LMCD1: variants seen among roughly 807,000 people sequenced by gnomAD.
The protein encoded by LMCD1 is LIM and cysteine rich domains 1, also known as LIM and cysteine-rich domains protein 1.
LMCD1 carries 32 observed loss-of-function variants against 42.7 expected under a neutral mutation model. That is an observed-to-expected ratio of 0.75 (90% CI 0.57 to 1.01). The LOEUF is 1.01. LMCD1 is among the 50% of genes least tolerant of loss of function. The pLI, the probability that LMCD1 is intolerant of heterozygous loss-of-function variation, is 0.00. For synonymous variants in LMCD1, 178 were observed against 184.9 expected, an observed-to-expected ratio of 0.96 and a Z score of 0.30; for missense variants, 458 against 483.1, an observed-to-expected ratio of 0.95 and a Z score of 0.49.
rs1695185501 is a variant in LMCD1 at position 8,569,875 on chromosome 3, A to G, written c.*2277A>G. The G allele has an allele frequency of 6.6e-6, 1 of 152,306 alleles. No individual in the cohort carries two copies. Among genetic ancestry groups the G allele is most frequent in the Non-Finnish European group, 1.5e-5 (1 of 68,342 alleles). 9.4% of individuals were successfully genotyped at this position (152,306 alleles called of 1,614,324 possible). A position where few individuals can be genotyped will look rare whatever the true frequency, so the allele number is the denominator to read the frequency against. On this transcript the variant is annotated 3_prime_UTR_variant, in exon 6 of 6. Transcript: ENST00000157600. Reference sequence around the variant, plus strand: ...TCTGGCATGGTGGCACACCTGTAGTATCAGTTACTCTAGAGGATAACCTGA... The same window carrying G: ...TCTGGCATGGTGGCACACCTGTAGTGTCAGTTACTCTAGAGGATAACCTGA...
chr3:8,554,101 G>A (rs997516378), intron 4 of LMCD1, among the ~76,000 whole-genome samples: 8 of 152,018 alleles, frequency 5.3e-5, no homozygotes, highest in Non-Finnish European at 8.8e-5. Flanking sequence ...CTGGAGTGCC[G>A]TGGCAGGATC....
chr3:8,573,592 G>T lies in LMCD1; in HGVS notation c.*5994G>T, dbSNP rs1335409256. 6.6e-6 allele frequency: 1 copy of T among 152,226 alleles called. No individual in the cohort carries two copies. Among genetic ancestry groups the T allele is most frequent in the African/African-American group, 2.4e-5 (1 of 41,450 alleles). The allele number at this position is 152,226 out of a possible 1,614,324, so 9.4% of individuals were successfully genotyped here. A position where few individuals can be genotyped will look rare whatever the true frequency, so the allele number is the denominator to read the frequency against. ...CACATCTCTCTCTGCCAAGAATGGG[G>T]ATGACGCTGTTGAAGGAAGAAATGT... On this transcript the variant is annotated 3_prime_UTR_variant, in exon 6 of 6. Transcript: ENST00000157600.
Position 8,542,251 on chromosome 3 carries a change from C to A in LMCD1, c.387+4811C>A, listed in dbSNP as rs1406880511. Among the ~76,000 whole-genome samples, 4 of 152,122 alleles carry A rather than the reference C, an allele frequency of 2.6e-5. No homozygotes were observed. The East Asian group carries it at 7.7e-4, about 29-fold the overall frequency. On this transcript the variant is annotated intron_variant, in intron 3 of 5. Transcript: ENST00000157600. ...TCCTGACCTCAAGCCATCTGCCCGC[C>A]TTGGCCTCCCAAAGTGCTTGGATTA...
At chr3:8,565,289 G>T in intron 4 of LMCD1, 143 bp from the exon 5 acceptor site, 1 of 691,026 alleles carries the variant, frequency 1.4e-6, no homozygotes, top group East Asian at 2.5e-5. Flanking sequence ...TCGCTTTGCA[G>T]ATGACAAAAC....
rs756599844 is a variant in LMCD1 at position 8,548,838 on chromosome 3, G to C, written c.658G>C (p.Gly220Arg). ...EEGKQQEKPE[G>R]AETTAATTNG... is the part of the protein sequence containing the mutation. ...GGGGAAGCAGCAGGAAAAGCCAGAGGGGGCAGAGACCACTGCTGCTACCAC... is the reference window on the plus strand; with the variant it reads ...GGGGAAGCAGCAGGAAAAGCCAGAGCGGGCAGAGACCACTGCTGCTACCAC... Residue 220 changes from glycine to arginine, a missense_variant, in exon 4 of 6, where the codon GGG becomes CGG. By Grantham distance (125) the Gly-to-Arg change is moderately radical. Coordinates refer to ENST00000157600, the MANE Select transcript of LMCD1 (RefSeq NM_014583.4). 6.3e-7 allele frequency: 1 copy of C among 1,594,200 alleles called. No homozygotes were observed. The highest frequency in any genetic ancestry group is 8.6e-7 in the Non-Finnish European group (1 of 1,166,834).
rs1694526681 is a variant in LMCD1, at chr3:8,537,251, T to G, written c.198T>G (p.Asp66Glu). Residue 66 changes from aspartate (D) to glutamate (E), a missense_variant, in exon 3 of 6, where the codon GAT becomes GAG. Coordinates refer to ENST00000157600, the MANE Select transcript of LMCD1 (RefSeq NM_014583.4). ...GCCTAACATCTGACCTAGAAGACGA[T>G]CGGAAAATTGGCCGCTTGCTGATGG... ...DHCLTSDLEDDRKIGRLLMDS... is the reference protein window; with the variant it reads ...DHCLTSDLEDERKIGRLLMDS... The G allele has an allele frequency of 1.2e-6, 2 of 1,614,050 alleles. No individual in the cohort carries two copies. The highest frequency in any genetic ancestry group is 1.7e-6 in the Non-Finnish European group (2 of 1,180,018).
At chr3:8,541,267 G>A (rs1266836398) in intron 3 of LMCD1, among the ~76,000 whole-genome samples, 1 of 152,154 alleles carries the variant, frequency 6.6e-6, no homozygotes. Context: ...GGTCCTCAGG[G>A]GGCCAGGTGC....
chr3:8,525,218 C>A (rs1694278571), intron 1 of LMCD1, among the ~76,000 whole-genome samples: 1 of 152,178 alleles, frequency 6.6e-6, no homozygotes, highest in Non-Finnish European at 1.5e-5. Context: ...CAGCCTCTGG[C>A]AACCACAGTT....
chr3:8,556,121 T>C (rs1694930225), intron 4 of LMCD1, among the ~76,000 whole-genome samples: 1 of 152,246 alleles, frequency 6.6e-6, no homozygotes, highest in African/African-American at 2.4e-5. Flanking sequence ...CTCCCATTCA[T>C]TGACTACCTA....
intron 1 of LMCD1, among the ~76,000 whole-genome samples, chr3:8,528,539 T>G (rs995031822): frequency 6.6e-6 from 1 of 152,172 alleles, no homozygotes; most frequent in Non-Finnish European, 1.5e-5. Flanking sequence ...TTACTGCCTT[T>G]TAATGTTACG....
At chr3:8,528,406 G>A (rs935470204) in intron 1 of LMCD1, among the ~76,000 whole-genome samples, 5 of 152,014 alleles carry the variant, frequency 3.3e-5, no homozygotes, top group Non-Finnish European at 7.4e-5. Flanking sequence ...ATGTTGCACA[G>A]GCTGGTCTTG....
At chr3:8,516,428 C>G (rs73127958) in intron 1 of LMCD1, among the ~76,000 whole-genome samples, 7,280 of 152,098 alleles carry the variant, frequency 0.048, 303 homozygotes, top group African/African-American at 0.11. Flanking sequence ...TTCCATCTGC[C>G]TGGATTTTAA....
Position 8,501,874 on chromosome 3 carries a change from C to T in LMCD1, c.-65C>T. On this transcript the variant is annotated 5_prime_UTR_variant, in exon 1 of 6. Coordinates refer to ENST00000157600, the MANE Select transcript of LMCD1 (RefSeq NM_014583.4). ...AACTTGGCCATTCAGCCGCCGCTGTCCCCGCTGCGCGCCCTCGCGCCTCTG... is the reference window on the plus strand; with the variant it reads ...AACTTGGCCATTCAGCCGCCGCTGTTCCCGCTGCGCGCCCTCGCGCCTCTG... The T allele has an allele frequency of 2.0e-6, 3 of 1,488,552 alleles. No individual in the cohort carries two copies. Among genetic ancestry groups the T allele is most frequent in the Admixed American group, 4.0e-5 (2 of 50,440 alleles). The allele number at this position is 1,488,552 out of a possible 1,614,324, so 92.2% of individuals were successfully genotyped here. A position where few individuals can be genotyped will look rare whatever the true frequency, so the allele number is the denominator to read the frequency against.
At chr3:8,527,641 A>T (rs1489700888) in intron 1 of LMCD1, among the ~76,000 whole-genome samples, 1 of 152,184 alleles carries the variant, frequency 6.6e-6, no homozygotes, top group African/African-American at 2.4e-5. Flanking sequence ...CTTTAATAAC[A>T]TGTATGCTTA....
At position 8,501,863 on chromosome 3, in the gene LMCD1, G is replaced by A. The variant is rs1211211540; in HGVS notation, c.-76G>A. On this transcript the variant is annotated 5_prime_UTR_variant, in exon 1 of 6. Transcript: ENST00000157600. ...CCAGGCCCGCGAACTTGGCCATTCA[G>A]CCGCCGCTGTCCCCGCTGCGCGCCC... The A allele has an allele frequency of 2.1e-6, 3 of 1,410,016 alleles. No homozygotes were observed. Among genetic ancestry groups the A allele is most frequent in the Non-Finnish European group, 9.7e-7 (1 of 1,026,328 alleles). The allele number at this position is 1,410,016 out of a possible 1,614,324, so 87.3% of individuals were successfully genotyped here.
chr3:8,572,122 TG>T lies in LMCD1; in HGVS notation c.*4525del, dbSNP rs1695229262. 6.6e-6 allele frequency: 1 copy of T among 152,258 alleles called. No individual in the cohort carries two copies. The highest frequency in any genetic ancestry group is 1.5e-5 in the Non-Finnish European group (1 of 68,040). The allele number at this position is 152,258 out of a possible 1,614,324, so 9.4% of individuals were successfully genotyped here. On this transcript the variant is annotated 3_prime_UTR_variant, in exon 6 of 6. Transcript: ENST00000157600. ...GAAGTGTTCTTTGTTCTTTCCTGAA[TG>T]TTCATGACCTTGACATCTTAGAAGA...
At chr3:8,553,179 C>T (rs1200554026) in intron 4 of LMCD1, among the ~76,000 whole-genome samples, 1 of 152,104 alleles carries the variant, frequency 6.6e-6, no homozygotes, top group African/African-American at 2.4e-5. Context: ...AATCTGAGGC[C>T]AGGGCCCCAC....
intron 4 of LMCD1, chr3:8,550,741 C>T (rs929282191): frequency 3.2e-5 from 32 of 985,022 alleles, no homozygotes; most frequent in Non-Finnish European, 3.5e-5. Context: ...TCCCGCCCCA[C>T]CCTGATCCTG....
chr3:8,515,362 AC>A (rs2125013375), intron 1 of LMCD1, among the ~76,000 whole-genome samples: 1 of 151,630 alleles, frequency 6.6e-6, no homozygotes, highest in East Asian at 1.9e-4. Context: ...CCCAAATCCC[AC>A]CCCTTCCTCA....
Sources: gnomAD v4.1 joint callset for allele counts (sites outside exome capture counted in the v4.1 genomes callset) on GRCh38, gnomAD v4.1.1 for gene constraint, MANE v1.5 for transcripts, NCBI Gene and HGNC (gene_info 2026-07-23, HGNC 2026-07-21) for gene names.